Variants in URI1 observed in about 807,000 individuals in gnomAD.
URI1 encodes unconventional prefoldin RPB5 interactor 1.
Under a neutral mutation model 60.2 loss-of-function variants are expected in URI1, and 39 were observed. That is an observed-to-expected ratio of 0.65 (90% CI 0.50 to 0.85). The LOEUF is 0.85. Ranked by LOEUF, URI1 falls within the 40% of genes least tolerant of loss-of-function variation. The pLI, the probability that URI1 is intolerant of heterozygous loss-of-function variation, is 0.00. For synonymous variants in URI1, 251 were observed against 236.8 expected (o/e 1.06, Z -0.55); for missense variants, 691 against 665.9 (o/e 1.04, Z -0.42).
In URI1 at chr19:29,943,508, C is replaced by T. The variant is rs111471402; in HGVS notation, c.117+844C>T. On this transcript the variant is annotated intron_variant, in intron 1 of 10. Transcript: ENST00000392271. The stretch of plus-strand genomic sequence containing the variant: ...TTAATTTGCTTAAAATATTTTATGT[C>T]ATGTTTGGAAGAGCATGGATTATAA... Among the ~76,000 whole-genome samples the T allele has an allele frequency of 3.8e-3, 578 of 152,186 alleles. 3 individuals are homozygous for T. Among genetic ancestry groups the T allele is most frequent in the Admixed American group, 7.3e-3 (111 of 15,284 alleles).
At chr19:29,996,721 T>G (rs1050399658) in intron 4 of URI1, among the ~76,000 whole-genome samples, 1 of 152,010 alleles carries the variant, frequency 6.6e-6, no homozygotes, top group African/African-American at 2.4e-5. Context: ...CATCATAGAG[T>G]GTGATGTCAG....
chr19:29,968,195 A>G (rs938760340), intron 1 of URI1, among the ~76,000 whole-genome samples: 3 of 152,254 alleles, frequency 2.0e-5, no homozygotes, highest in African/African-American at 4.8e-5. Context: ...GTTGAAGCCT[A>G]GTAACTATTT....
At chr19:30,012,564 A>G (rs952381167) in intron 10 of URI1, 33 bp downstream of exon 10, 2 of 1,600,134 alleles carry the variant, frequency 1.2e-6, no homozygotes, top group Non-Finnish European at 1.7e-6. Flanking sequence ...TCTTTATTTC[A>G]TATAGTATCT....
At chr19:29,984,359 G>A (rs1447102196) in intron 2 of URI1, among the ~76,000 whole-genome samples, 1 of 152,178 alleles carries the variant, frequency 6.6e-6, no homozygotes, top group African/African-American at 2.4e-5. Context: ...AACCCAGGAG[G>A]TGGAGGTTGC....
chr19:29,988,128 A>G (rs1252545866), intron 4 of URI1, among the ~76,000 whole-genome samples: 2 of 150,632 alleles, frequency 1.3e-5, no homozygotes, highest in Non-Finnish European at 2.9e-5. Context: ...AGATTGTGCC[A>G]CTGCACTCCA....
chr19:29,956,602 G>A (rs571445803), intron 1 of URI1: 313 of 1,498,024 alleles, frequency 2.1e-4, no homozygotes, highest in Non-Finnish European at 6.5e-6. Context: ...GGCAACACCT[G>A]GTCTCATCTG....
At chr19:29,929,940 C>CTTTT (rs201789370) in intron 1 of URI1, among the ~76,000 whole-genome samples, 3 of 136,262 alleles carry the variant, frequency 2.2e-5, no homozygotes, top group Non-Finnish European at 4.7e-5. Flanking sequence ...GACAGTGTCT[C>CTTTT]TTTTTTTTTT....
intron 4 of URI1, among the ~76,000 whole-genome samples, chr19:30,003,967 A>G (rs144540397): frequency 2.8e-3 from 422 of 152,156 alleles, no homozygotes; most frequent in Admixed American, 6.0e-3. Context: ...GCTTTTAACA[A>G]CTGCCGACAT....
In URI1 at chr19:30,007,492, A is replaced by G. The variant is rs2055958312; in HGVS notation, c.540A>G (p.Lys180=). 1.2e-6 allele frequency: 2 copies of G among 1,613,124 alleles called. No homozygotes were observed. Among genetic ancestry groups the G allele is most frequent in the Non-Finnish European group, 1.7e-6 (2 of 1,179,396 alleles). Reference sequence around the variant, plus strand: ...TAGCAAAACACCGAATTGCTCATAAACCGCATTCCAAACCAAAAACTTCAG... The same window carrying G: ...TAGCAAAACACCGAATTGCTCATAAGCCGCATTCCAAACCAAAAACTTCAG... The part of the protein sequence containing the change: ...EFKAKHRIAH[K]PHSKPKTSDI... The change falls in exon 7 of 11, where the codon AAA becomes AAG. Residue 180 remains lysine, a synonymous_variant. Coordinates refer to ENST00000392271, the MANE Select transcript of URI1 (RefSeq NM_003796.3).
upstream of URI1, among the ~76,000 whole-genome samples, chr19:29,938,988 TTTTTTCTGAGAGGAG>T (rs2054997788): frequency 6.7e-6 from 1 of 150,102 alleles, no homozygotes; most frequent in Admixed American, 6.6e-5. Context: ...CCATTTTTTT[TTTTTTCTGAGAGGAG>T]TTTCACTCTT....
rs552482843 is a variant in URI1 at position 29,945,139 on chromosome 19, G to A, written c.117+2475G>A. Among the ~76,000 whole-genome samples, 481 of 152,276 alleles carry A rather than the reference G, an allele frequency of 3.2e-3. 1 individual carries two copies. Among genetic ancestry groups the A allele is most frequent in the African/African-American group, 0.011 (468 of 41,544 alleles). ...GACAGAGTTAAACTCTGCAGAAAAT[G>A]ATTTGAATGACTGTTCTCAGTTTTC... On this transcript the variant is annotated intron_variant, in intron 1 of 10. Transcript: ENST00000392271.
At chr19:30,014,722 G>A (rs1462339909) in intron 10 of URI1, among the ~76,000 whole-genome samples, 165 bp from the exon 11 acceptor site, 2 of 152,034 alleles carry the variant, frequency 1.3e-5, no homozygotes, top group Non-Finnish European at 2.9e-5. Context: ...AAACTTAATG[G>A]TGTTGGTTTC....
At chr19:29,953,465 C>G (rs562577823) in intron 1 of URI1, among the ~76,000 whole-genome samples, 4 of 152,166 alleles carry the variant, frequency 2.6e-5, no homozygotes, top group African/African-American at 9.7e-5. Flanking sequence ...CTTTTTTCCT[C>G]TTTCCATTAT....
At chr19:30,012,944 C>T (rs1302599482) in intron 10 of URI1, 1 of 157,950 alleles carries the variant, frequency 6.3e-6, no homozygotes, top group Non-Finnish European at 1.4e-5. Flanking sequence ...AGATAATTAC[C>T]TAAAGTCTAA....
chr19:29,942,722 C>T (rs1420113146), intron 1 of URI1, 58 bp downstream of exon 1: 6 of 1,320,018 alleles, frequency 4.5e-6, no homozygotes, highest in Non-Finnish European at 4.8e-6. Context: ...CCTGCCTGTG[C>T]TCTGGGCCGC....
In URI1 at chr19:29,936,023, T is replaced by C. The variant is rs1213503245; in HGVS notation, c.63+12269T>C. On this transcript the variant is annotated intron_variant, in intron 1 of 10. Coordinates refer to the URI1 transcript ENST00000360605. ...GGCTGGTCTAGAATGCCTGACCTCATGATCCACCTGCCTTGGCCTCCCAAA... is the reference window on the plus strand; with the variant it reads ...GGCTGGTCTAGAATGCCTGACCTCACGATCCACCTGCCTTGGCCTCCCAAA... Among the ~76,000 whole-genome samples, 3 of 152,160 alleles carry C rather than the reference T, an allele frequency of 2.0e-5. No homozygotes were observed. In the East Asian group the frequency reaches 5.8e-4, roughly 29 times the overall value.
At chr19:29,969,325 C>G (rs1200917709) in intron 1 of URI1, among the ~76,000 whole-genome samples, 1 of 152,076 alleles carries the variant, frequency 6.6e-6, no homozygotes, top group African/African-American at 2.4e-5. Flanking sequence ...GGAGGGTAGA[C>G]TATGGGGAGT....
intron 4 of URI1, among the ~76,000 whole-genome samples, chr19:29,988,284 A>AT (rs926294113): frequency 6.6e-6 from 1 of 152,082 alleles, no homozygotes. Flanking sequence ...AAGGTACTTT[A>AT]TTTTTCTTAA....
chr19:29,995,975 A>G (rs1054051171), intron 4 of URI1, among the ~76,000 whole-genome samples: 3 of 152,098 alleles, frequency 2.0e-5, no homozygotes, highest in Admixed American at 6.5e-5. Flanking sequence ...GTAAGTCTGT[A>G]TTTATGTTGG....
Sources: allele counts gnomAD v4.1 joint callset (sites outside exome capture counted in the v4.1 genomes callset), GRCh38; gene constraint gnomAD v4.1.1; transcripts MANE v1.5; gene names NCBI Gene and HGNC (gene_info 2026-07-23, HGNC 2026-07-21).